The following KAZN variants were observed in gnomAD, a reference collection of about 807,000 sequenced individuals.
KAZN encodes the protein kazrin.
Under a neutral mutation model 87.4 loss-of-function variants are expected in KAZN, and 40 were observed. That is an observed-to-expected ratio of 0.46 (90% CI 0.36 to 0.60). The LOEUF (loss-of-function observed/expected upper bound fraction) is 0.60. Among genes scored for constraint, KAZN ranks in the 20% least tolerant of loss-of-function variants. The probability of loss-of-function intolerance (pLI) is 0.00; values close to 1 mark genes in which losing one functional copy is unlikely to be tolerated. For synonymous variants in KAZN, 466 were observed against 458.3 expected (o/e 1.02, Z -0.22); for missense variants, 898 against 1,073.9 (o/e 0.84, Z 2.29).
chr1:14,118,788 T>C (rs777205061), intron 1 of KAZN, among the ~76,000 whole-genome samples: 4 of 152,170 alleles, frequency 2.6e-5, no homozygotes, highest in Non-Finnish European at 5.9e-5. Context: ...TGGATCATGG[T>C]GGATTGCAAC....
At chr1:14,355,591 C>T (rs1658953450) in intron 2 of KAZN, among the ~76,000 whole-genome samples, 1 of 152,216 alleles carries the variant, frequency 6.6e-6, no homozygotes, top group African/African-American at 2.4e-5. Context: ...ATCTCCCAAC[C>T]CCCAACAGGC....
rs761173999 is a variant in KAZN at position 14,767,318 on chromosome 1, T to TG, written c.226+168098dup. Among the ~76,000 whole-genome samples the TG allele has an allele frequency of 3.9e-4, 60 of 152,148 alleles. 1 individual carries two copies. The highest frequency in any genetic ancestry group is 4.1e-4 in the South Asian group (2 of 4,824). On this transcript the variant is annotated intron_variant, in intron 1 of 14. Coordinates refer to ENST00000376030, the MANE Select transcript of KAZN (RefSeq NM_201628.3). ...TCTGTTTTTCACCTGAGCTGAAGGC[T>TG]GGGAGTGGGAGGGGCTCCTCTGCAA... is the stretch of plus-strand genomic sequence containing the variant.
intron 2 of KAZN, among the ~76,000 whole-genome samples, chr1:14,261,361 C>T (rs896296878): frequency 1.3e-5 from 2 of 152,160 alleles, no homozygotes; most frequent in Admixed American, 6.5e-5. Context: ...CTCTGATCAT[C>T]GCCATCAATT....
intron 2 of KAZN, among the ~76,000 whole-genome samples, chr1:14,578,499 A>G (rs748936872): frequency 6.6e-6 from 1 of 152,068 alleles, no homozygotes; most frequent in Non-Finnish European, 1.5e-5. Flanking sequence ...ATTTACATAA[A>G]CCCTTGTGAT....
Position 14,918,261 on chromosome 1 carries a change from G to C in KAZN, c.227-42423G>C, listed in dbSNP as rs531918283. 2.0e-4 allele frequency among the ~76,000 whole-genome samples: 30 copies of C among 152,266 alleles called. No individual in the cohort carries two copies. The East Asian group carries it at 4.8e-3, about 25-fold the overall frequency. Reference sequence around the variant, plus strand: ...GAGATTAGGCTGCAAAGAGACTGTGGCTTCCATCTCTTCTTGCACACCTTC... The same window carrying C: ...GAGATTAGGCTGCAAAGAGACTGTGCCTTCCATCTCTTCTTGCACACCTTC... On this transcript the variant is annotated intron_variant, in intron 1 of 14. Coordinates refer to ENST00000376030, the MANE Select transcript of KAZN (RefSeq NM_201628.3).
At chr1:14,868,196 G>A (rs149706625) in intron 1 of KAZN, among the ~76,000 whole-genome samples, 3 of 152,266 alleles carry the variant, frequency 2.0e-5, no homozygotes, top group Non-Finnish European at 4.4e-5. Context: ...CAAATAGCAC[G>A]CATCACATAC....
At chr1:14,664,442 T>C (rs1639388452) in intron 1 of KAZN, among the ~76,000 whole-genome samples, 1 of 152,062 alleles carries the variant, frequency 6.6e-6, no homozygotes, top group African/African-American at 2.4e-5. Flanking sequence ...CAAAAGGAAG[T>C]AGAATGGCGG....
At chr1:14,422,719 A>G (rs1436086969) in intron 2 of KAZN, among the ~76,000 whole-genome samples, 1 of 152,200 alleles carries the variant, frequency 6.6e-6, no homozygotes, top group African/African-American at 2.4e-5. Flanking sequence ...ATCCCTGGTA[A>G]ACTTCTCTTT....
chr1:14,210,971 CAATT>C (rs149967038), intron 2 of KAZN, among the ~76,000 whole-genome samples: 3,150 of 152,072 alleles, frequency 0.021, 54 homozygotes, highest in Non-Finnish European at 0.029. Flanking sequence ...AGTAAAAAGA[CAATT>C]AATCTCTTAA....
chr1:14,973,612 A>G (rs929989288), intron 2 of KAZN, among the ~76,000 whole-genome samples: 9 of 152,204 alleles, frequency 5.9e-5, no homozygotes, highest in African/African-American at 2.2e-4. Context: ...CTAGAAAGTT[A>G]GTCCTCTTTC....
intron 2 of KAZN, among the ~76,000 whole-genome samples, chr1:14,376,304 C>T (rs1326719736): frequency 2.6e-5 from 4 of 152,128 alleles, no homozygotes; most frequent in African/African-American, 4.8e-5. Flanking sequence ...AAGCTAATCC[C>T]CAAAGCAACA....
chr1:15,068,144 A>T (rs1639344060), intron 8 of KAZN: 1 of 896,430 alleles, frequency 1.1e-6, no homozygotes, highest in Admixed American at 6.2e-5. Context: ...AGCTTATTTT[A>T]AAATATGATC....
intron 1 of KAZN, among the ~76,000 whole-genome samples, chr1:13,930,310 A>G (rs1170581492): frequency 2.0e-5 from 3 of 152,226 alleles, no homozygotes; most frequent in Non-Finnish European, 2.9e-5. Flanking sequence ...TTCTCCATGC[A>G]GTAGACCTGA....
At chr1:14,446,902 T>TA (rs998890692) in intron 2 of KAZN, among the ~76,000 whole-genome samples, 5 of 151,602 alleles carry the variant, frequency 3.3e-5, no homozygotes, top group Admixed American at 6.6e-5. Context: ...GAAGCACCTT[T>TA]AAAAAAAAAT....
At position 14,772,249 on chromosome 1, in the gene KAZN, G is replaced by A. The variant is rs566723815; in HGVS notation, c.226+173026G>A. ...TGTAATCCTGGCACTTTGGGAGGCC[G>A]AGGCAGGAGGATCGCTTGAGCCCAG... On this transcript the variant is annotated intron_variant, in intron 1 of 14. Coordinates refer to ENST00000376030, the MANE Select transcript of KAZN (RefSeq NM_201628.3). Among the ~76,000 whole-genome samples, 23 of 152,224 alleles carry A rather than the reference G, an allele frequency of 1.5e-4. No individual in the cohort carries two copies. In the East Asian group the frequency reaches 4.3e-3, roughly 28 times the overall value.
chr1:14,197,411 A>C (rs1440696375), intron 2 of KAZN, among the ~76,000 whole-genome samples: 1 of 147,284 alleles, frequency 6.8e-6, no homozygotes, highest in East Asian at 2.0e-4. Context: ...AAAAAAGGCC[A>C]GTCAAGGTGG....
intron 2 of KAZN, among the ~76,000 whole-genome samples, chr1:14,520,893 TCATC>T (rs1671550459): frequency 6.6e-6 from 1 of 152,188 alleles, no homozygotes; most frequent in African/African-American, 2.4e-5. Flanking sequence ...AGCAAACTGT[TCATC>T]CATCCAGCTC....
chr1:15,057,170 A>G (rs2100496325), intron 5 of KAZN, among the ~76,000 whole-genome samples: 1 of 152,280 alleles, frequency 6.6e-6, no homozygotes, highest in South Asian at 2.1e-4. Flanking sequence ...TAGGTGAGTC[A>G]TTGGGACGAA....
chr1:14,701,535 A>G (rs1287329596), intron 1 of KAZN, among the ~76,000 whole-genome samples: 2 of 152,222 alleles, frequency 1.3e-5, no homozygotes, highest in Non-Finnish European at 2.9e-5. Flanking sequence ...GCTCATGCCT[A>G]TAATCGCAGC....
Sources: allele counts gnomAD v4.1 joint callset (sites outside exome capture counted in the v4.1 genomes callset), GRCh38; gene constraint gnomAD v4.1.1; transcripts MANE v1.5; gene names NCBI Gene and HGNC (gene_info 2026-07-23, HGNC 2026-07-21).